DRG2: variants seen among roughly 807,000 people sequenced by gnomAD.
DRG2 encodes developmentally-regulated GTP-binding protein 2.
DRG2 carries 36 observed loss-of-function variants against 53.4 expected under a neutral mutation model. The observed-to-expected ratio is 0.67, with a 90% CI of 0.52 to 0.89. DRG2 has a LOEUF of 0.89. Among genes scored for constraint, DRG2 ranks in the 40% least tolerant of loss-of-function variants. DRG2 has a pLI of 0.00. For synonymous variants in DRG2, 167 were observed against 192.1 expected (o/e 0.87, Z 1.08); for missense variants, 342 against 481.2 (o/e 0.71, Z 2.71).
Position 18,104,682 on chromosome 17 carries a change from G to A in DRG2, c.954+1G>A. ...GAAAGGGGCCTCAGTGGAGCACGTG[G>A]TGAGTTGACAAGACCTGCCGTGACA... On this transcript the variant is annotated splice_donor_variant, in intron 11 of 12. Coordinates refer to ENST00000225729, the MANE Select transcript of DRG2 (RefSeq NM_001388.5). LOFTEE classifies it high-confidence loss of function. 6.2e-7 allele frequency: 1 copy of A among 1,613,842 alleles called. No homozygotes were observed. The highest frequency in any genetic ancestry group is 8.5e-7 in the Non-Finnish European group (1 of 1,180,022).
At position 18,100,796 on chromosome 17, in the gene DRG2, G is replaced by C; in HGVS notation, c.631+137G>C. ...ACTGCCCCTGCTGTCCATTCAAGTA[G>C]CCTCTGGGCAAGCTCCAGACTGCCA... On this transcript the variant is annotated intron_variant, in intron 7 of 12. Transcript: ENST00000225729. The surrounding 1 kb of genome is among the most constrained non-coding windows in gnomAD (Gnocchi z 4.1). 1.2e-6 allele frequency: 1 copy of C among 834,710 alleles called. No individual in the cohort carries two copies. 51.7% of individuals were successfully genotyped at this position (834,710 alleles called of 1,614,324 possible). A position where few individuals can be genotyped will look rare whatever the true frequency, so the allele number is the denominator to read the frequency against.
Position 18,099,596 on chromosome 17 carries a change from G to C in DRG2, c.377-37G>C. 6.4e-7 allele frequency: 1 copy of C among 1,573,802 alleles called. No individual in the cohort carries two copies. The highest frequency in any genetic ancestry group is 8.6e-7 in the Non-Finnish European group (1 of 1,159,898). On this transcript the variant is annotated intron_variant, in intron 4 of 12. Transcript: ENST00000225729. The surrounding 1 kb of genome is among the most constrained non-coding windows in gnomAD (Gnocchi z 4.4). ...CGTGGGCTGGGTAGCAGTCACATGG[G>C]TCCACATATGTAACTGCATCCCTCA...
chr17:18,106,253 T>G, intron 11 of DRG2, 180 bp from the exon 12 acceptor site: 1 of 623,002 alleles, frequency 1.6e-6, no homozygotes, highest in Non-Finnish European at 2.9e-6. Flanking sequence ...GCAGCTGTGA[T>G]TGGGTGGCTA....
chr17:18,101,383 G>A (rs1225813674), intron 7 of DRG2, 110 bp from the exon 8 acceptor site: 12 of 977,126 alleles, frequency 1.2e-5, no homozygotes, highest in East Asian at 2.4e-5. Context: ...AGCAGATACC[G>A]CCACGGTCCC....
At position 18,103,777 on chromosome 17, in the gene DRG2, G is replaced by T; in HGVS notation, c.807-24G>T. ...TCTGAATTCACAGGGGCCCCTGCCT[G>T]ACTGGCCGCCTCCCTCTTTGCAGCT... is the stretch of plus-strand genomic sequence containing the variant. On this transcript the variant is annotated intron_variant, in intron 9 of 12. Coordinates refer to ENST00000225729, the MANE Select transcript of DRG2 (RefSeq NM_001388.5). The surrounding 1 kb of genome is among the most constrained non-coding windows in gnomAD (Gnocchi z 4.4). 6.2e-7 allele frequency: 1 copy of T among 1,613,510 alleles called. No homozygotes were observed. Among genetic ancestry groups the T allele is most frequent in the South Asian group, 1.1e-5 (1 of 91,064 alleles).
chr17:18,099,540 T>C lies in DRG2; in HGVS notation c.377-93T>C. The C allele has an allele frequency of 7.9e-7, 1 of 1,263,322 alleles. No individual in the cohort carries two copies. The highest frequency in any genetic ancestry group is 2.5e-5 in the East Asian group (1 of 39,640). The allele number at this position is 1,263,322 out of a possible 1,614,324, so 78.3% of individuals were successfully genotyped here. On this transcript the variant is annotated intron_variant, in intron 4 of 12. Transcript: ENST00000225729. The surrounding 1 kb of genome is among the most constrained non-coding windows in gnomAD (Gnocchi z 4.4). ...TGCTAGTATGTGGCAGAGGCTGTGG[T>C]AGGTCTGTAAAGGACAGGAGTCCAG...
Position 18,098,313 on chromosome 17 carries a change from C to T in DRG2, c.269C>T (p.Ala90Val), listed in dbSNP as rs769319746. ...ATGACCTCCACGGCCAGCGAGGCAG[C>T]GTCCTATGAGTTCACCACTCTGACG... ...SLMTSTASEA[A>V]SYEFTTLTCI... The change falls in exon 3 of 13, where the codon GCG becomes GTG. Residue 90 changes from alanine (A) to valine (V), a missense_variant. Ala to Val is a moderately conservative substitution (Grantham distance 64). Transcript: ENST00000225729. The surrounding 1 kb of genome is among the most constrained non-coding windows in gnomAD (Gnocchi z 4.1). The T allele has an allele frequency of 8.1e-6, 13 of 1,613,896 alleles. No individual in the cohort carries two copies. Among genetic ancestry groups the T allele is most frequent in the South Asian group, 1.1e-5 (1 of 91,078 alleles).
At chr17:18,093,538 G>A (rs1023571782) in intron 1 of DRG2, among the ~76,000 whole-genome samples, 11 of 152,092 alleles carry the variant, frequency 7.2e-5, no homozygotes, top group East Asian at 5.8e-4. Context: ...GGCTGGTCTC[G>A]AACTCCTGAC....
chr17:18,090,397 TATATA>T (rs2045307809), intron 1 of DRG2, among the ~76,000 whole-genome samples: 7 of 15,792 alleles, frequency 4.4e-4, no homozygotes, highest in African/African-American at 2.8e-3. Flanking sequence ...TATATATATA[TATATA>T]TATATTTTTT....
rs186843770 is a variant in DRG2 at position 18,094,021 on chromosome 17, C to G, written c.225+48C>G. On this transcript the variant is annotated intron_variant, in intron 2 of 12. Coordinates refer to ENST00000225729, the MANE Select transcript of DRG2 (RefSeq NM_001388.5). ...CTCGGGGAGGAAAGCAAGAAGTCAT[C>G]TTTCAAACAGGTGACCATCCAGGCT... 2.0e-4 allele frequency: 324 copies of G among 1,584,732 alleles called. No individual in the cohort carries two copies. The African/African-American group carries it at 3.0e-3, about 14-fold the overall frequency.
chr17:18,094,648 C>T (rs2045395323), intron 2 of DRG2, among the ~76,000 whole-genome samples: 1 of 152,054 alleles, frequency 6.6e-6, no homozygotes, highest in Non-Finnish European at 1.5e-5. Context: ...AGGACCCTGG[C>T]TTGGATTGAA....
At position 18,090,373 on chromosome 17, in the gene DRG2, TATATATA is replaced by T. The variant is rs2045297074; in HGVS notation, c.64+2287_64+2293del. ...CACCACCACACCGGGCTAATTTATA[TATATATA>T]TATATATATATATATATATATATAT... On this transcript the variant is annotated intron_variant, in intron 1 of 12. Transcript: ENST00000225729. Among the ~76,000 whole-genome samples the T allele has an allele frequency of 2.2e-3, 24 of 10,856 alleles. 2 individuals are homozygous for T. Among genetic ancestry groups the T allele is most frequent in the South Asian group, 5.8e-3 (1 of 172 alleles). The allele number at this position is 10,856 out of a possible 152,430, so 7.1% of individuals were successfully genotyped here.
Position 18,100,653 on chromosome 17 carries a change from G to A in DRG2, c.625G>A (p.Glu209Lys), listed in dbSNP as rs939671175. 7.4e-6 allele frequency: 12 copies of A among 1,613,526 alleles called. No homozygotes were observed. The highest frequency in any genetic ancestry group is 2.2e-5 in the East Asian group (1 of 44,882). The stretch of plus-strand genomic sequence containing the variant: ...AAAGCTGGTGCAGCTCATCCTGCAC[G>A]AATACAGTATCCTTCCCTGAAAGAC... ...SEKLVQLILH[E>K]YKIFNAEVLF... Residue 209 changes from glutamate (E) to lysine (K), a missense_variant, in exon 7 of 13, where the codon GAA (glutamate) becomes AAA (lysine). Glu to Lys is a moderately conservative substitution (Grantham distance 56, BLOSUM62 1). Transcript: ENST00000225729. This position sits in a 1 kb window ranked among gnomAD's most constrained non-coding sequence, Gnocchi z 4.1.
intron 11 of DRG2, 159 bp from the exon 12 acceptor site, chr17:18,106,274 G>A: frequency 2.8e-6 from 2 of 704,376 alleles, no homozygotes; most frequent in South Asian, 3.4e-5. Context: ...TGTGCGAATT[G>A]AGCACGTCAG....
At chr17:18,093,758 C>A in intron 1 of DRG2, 55 bp from the exon 2 acceptor site, 1 of 1,586,284 alleles carries the variant, frequency 6.3e-7, no homozygotes, top group Non-Finnish European at 8.6e-7. Context: ...CCTGCCTGAC[C>A]CCTGGGCTTG....
intron 2 of DRG2, chr17:18,097,253 T>A (rs945271123): frequency 6.6e-6 from 1 of 152,242 alleles, no homozygotes; most frequent in African/African-American, 2.4e-5. Context: ...TTCCAGGAGA[T>A]CCCCAAGGCT....
intron 1 of DRG2, among the ~76,000 whole-genome samples, chr17:18,093,316 G>A (rs1167047598): frequency 4.3e-5 from 6 of 138,716 alleles, no homozygotes; most frequent in Non-Finnish European, 7.6e-5. Flanking sequence ...ACAAAGAGGC[G>A]GGATTTTTTT....
chr17:18,099,632 G>A lies in DRG2; in HGVS notation c.377-1G>A, dbSNP rs2045492872. On this transcript the variant is annotated splice_acceptor_variant, in intron 4 of 12. Coordinates refer to ENST00000225729, the MANE Select transcript of DRG2 (RefSeq NM_001388.5). LOFTEE classifies it high-confidence loss of function. The surrounding 1 kb of genome is among the most constrained non-coding windows in gnomAD (Gnocchi z 4.4). ...TAACTGCATCCCTCACACCCATCCA[G>A]GAAAAGGCCGTGGCCGGCAGGTGAT... 6.2e-7 allele frequency: 1 copy of A among 1,602,448 alleles called. No individual in the cohort carries two copies. Among genetic ancestry groups the A allele is most frequent in the African/African-American group, 1.3e-5 (1 of 74,874 alleles).
In DRG2 at chr17:18,107,144, C is replaced by G. The variant is rs1360297792; in HGVS notation, c.1009-10C>G. The G allele has an allele frequency of 6.2e-7, 1 of 1,613,086 alleles. No homozygotes were observed. On this transcript the variant is annotated splice_polypyrimidine_tract_variant and intron_variant, in intron 12 of 12. Transcript: ENST00000225729. ...CTGAGGTGACCCCTCTGCCCCCATTCCTCACCCAGGGCACCAGCACCAAGT... is the reference window on the plus strand; with the variant it reads ...CTGAGGTGACCCCTCTGCCCCCATTGCTCACCCAGGGCACCAGCACCAAGT...
Sources: gnomAD v4.1 joint callset for allele counts (sites outside exome capture counted in the v4.1 genomes callset) on GRCh38, gnomAD v4.1.1 for gene constraint, Gnocchi (gnomAD v3.1) non-coding constraint, MANE v1.5 for transcripts, NCBI Gene and HGNC (gene_info 2026-07-23, HGNC 2026-07-21) for gene names.